Variants in RHBDD1 observed in about 807,000 individuals in gnomAD.
The protein encoded by RHBDD1 is rhomboid-related protein 4.
In RHBDD1, 38 loss-of-function variants were observed where a neutral mutation model predicts 36.3. The ratio of observed to expected loss-of-function variants is 1.05; its 90% CI spans 0.81 to 1.37. The LOEUF (loss-of-function observed/expected upper bound fraction) is 1.37, where lower values mean the gene tolerates loss of function less well. RHBDD1 is among the 40% of genes most tolerant of loss of function. RHBDD1 has a pLI of 0.00. For synonymous variants in RHBDD1, 151 were observed against 136.5 expected, an observed-to-expected ratio of 1.11 and a Z score of -0.74; for missense variants, 393 against 377.6, an observed-to-expected ratio of 1.04 and a Z score of -0.34.
intron 8 of RHBDD1, among the ~76,000 whole-genome samples, chr2:226,982,475 T>C (rs1039788874): frequency 2.6e-5 from 4 of 152,240 alleles, no homozygotes; most frequent in Non-Finnish European, 5.9e-5. Context: ...AGTTGAACTT[T>C]TAAAACATTT....
chr2:226,887,157 GT>G (rs1946293403), intron 5 of RHBDD1, among the ~76,000 whole-genome samples: 2 of 152,240 alleles, frequency 1.3e-5, no homozygotes, highest in South Asian at 4.1e-4. Context: ...TTCTAAGACT[GT>G]TTTAAAAGAG....
rs774245051 is a variant in RHBDD1 at position 226,906,882 on chromosome 2, G to T, written c.655+1G>T. 4.3e-6 allele frequency: 7 copies of T among 1,613,904 alleles called. No individual in the cohort carries two copies. The highest frequency in any genetic ancestry group is 5.9e-6 in the Non-Finnish European group (7 of 1,179,920). On this transcript the variant is annotated splice_donor_variant, in intron 6 of 8. Transcript: ENST00000392062. LOFTEE classifies it high-confidence loss of function. ...AAGAAAATCATGGAAGCATGTGCAG[G>T]TACAGAATAAAACACCTTTGGCATG...
Position 226,992,486 on chromosome 2 carries a change from C to T in RHBDD1, c.857-2945C>T, listed in dbSNP as rs532581046. 2.0e-5 allele frequency among the ~76,000 whole-genome samples: 3 copies of T among 152,274 alleles called. No individual in the cohort carries two copies. In the South Asian group the frequency reaches 6.2e-4, roughly 32 times the overall value. On this transcript the variant is annotated intron_variant, in intron 8 of 8. Coordinates refer to ENST00000392062, the MANE Select transcript of RHBDD1 (RefSeq NM_001167608.3). ...ATACCCTTAAGAGCTGGCATGATTA[C>T]AAATCGGGCATTATTGTGGTTTGGG...
At position 226,858,467 on chromosome 2, in the gene RHBDD1, G is replaced by A. The variant is rs11885817; in HGVS notation, c.-90-6137G>A. ...CTGTCTTTCTTGTGAAATTAATTTG[G>A]TTGGTAGCAGACACCAAATTGGGAA... On this transcript the variant is annotated intron_variant, in intron 3 of 8. Coordinates refer to ENST00000392062, the MANE Select transcript of RHBDD1 (RefSeq NM_001167608.3). Among the ~76,000 whole-genome samples, 14 of 152,168 alleles carry A rather than the reference G, an allele frequency of 9.2e-5. No individual in the cohort carries two copies. The East Asian group carries it at 1.4e-3, about 15-fold the overall frequency.
chr2:226,949,970 G>A lies in RHBDD1; in HGVS notation c.856+35619G>A, dbSNP rs183812261. 3.9e-5 allele frequency among the ~76,000 whole-genome samples: 6 copies of A among 152,134 alleles called. No homozygotes were observed. The East Asian group carries it at 5.8e-4, about 15-fold the overall frequency. On this transcript the variant is annotated intron_variant, in intron 8 of 8. Transcript: ENST00000392062. The stretch of plus-strand genomic sequence containing the variant: ...GATCAAAATTGTATCTGTTTTTCAC[G>A]TACTCCACAATGTTTTGAAATGCAT...
chr2:226,929,448 C>T (rs924171004), intron 8 of RHBDD1, among the ~76,000 whole-genome samples: 1 of 152,046 alleles, frequency 6.6e-6, no homozygotes, highest in African/African-American at 2.4e-5. Context: ...TAAAGTCCAG[C>T]ATCCATTTAT....
intron 8 of RHBDD1, among the ~76,000 whole-genome samples, chr2:226,971,173 A>G (rs553082643): frequency 6.6e-6 from 1 of 152,314 alleles, no homozygotes; most frequent in Admixed American, 6.5e-5. Flanking sequence ...CTGTCCCTAC[A>G]GTGGCTGAAG....
intron 8 of RHBDD1, among the ~76,000 whole-genome samples, chr2:226,917,856 G>A (rs1432608205): frequency 6.6e-6 from 1 of 151,662 alleles, no homozygotes; most frequent in Non-Finnish European, 1.5e-5. Flanking sequence ...TACGGTGAAT[G>A]AAATATAAAA....
At chr2:226,886,741 T>C (rs1178696038) in intron 5 of RHBDD1, among the ~76,000 whole-genome samples, 1 of 152,192 alleles carries the variant, frequency 6.6e-6, no homozygotes, top group African/African-American at 2.4e-5. Flanking sequence ...AGGGGAATTT[T>C]TTTAAAAAAA....
intron 5 of RHBDD1, among the ~76,000 whole-genome samples, chr2:226,889,383 G>A (rs1001158104): frequency 5.9e-5 from 9 of 152,134 alleles, no homozygotes; most frequent in African/African-American, 1.9e-4. Flanking sequence ...ACATTTTCAC[G>A]TTAGTTGCGA....
chr2:226,936,265 T>G (rs1950323835), intron 8 of RHBDD1, among the ~76,000 whole-genome samples: 1 of 152,146 alleles, frequency 6.6e-6, no homozygotes, highest in African/African-American at 2.4e-5. Flanking sequence ...AGATTGTGCT[T>G]ATATCTAGAT....
At chr2:226,867,938 C>T (rs949098436) in intron 5 of RHBDD1, among the ~76,000 whole-genome samples, 6 of 152,044 alleles carry the variant, frequency 3.9e-5, no homozygotes, top group Non-Finnish European at 5.9e-5. Context: ...AGGATGGTCT[C>T]GATCTCTTGA....
chr2:226,915,727 AAG>A (rs1470014003), intron 8 of RHBDD1, among the ~76,000 whole-genome samples: 1 of 152,338 alleles, frequency 6.6e-6, no homozygotes, highest in East Asian at 1.9e-4. Flanking sequence ...TAACCTGAAC[AAG>A]AAAGGAAAGC....
intron 3 of RHBDD1, among the ~76,000 whole-genome samples, chr2:226,863,257 T>G (rs1045778426): frequency 2.6e-5 from 4 of 152,194 alleles, no homozygotes; most frequent in African/African-American, 7.2e-5. Flanking sequence ...AAGAATCATT[T>G]GCACCCAGGA....
At chr2:226,971,641 ATG>A (rs1953524922) in intron 8 of RHBDD1, among the ~76,000 whole-genome samples, 1 of 152,250 alleles carries the variant, frequency 6.6e-6, no homozygotes, top group Non-Finnish European at 1.5e-5. Flanking sequence ...TATGGGATAA[ATG>A]TGGCTACTAA....
intron 5 of RHBDD1, among the ~76,000 whole-genome samples, chr2:226,900,279 G>A (rs1339456352): frequency 6.6e-6 from 1 of 152,162 alleles, no homozygotes; most frequent in Non-Finnish European, 1.5e-5. Context: ...TTGCTCTCAA[G>A]TTGAGATACA....
intron 8 of RHBDD1, among the ~76,000 whole-genome samples, chr2:226,966,568 T>C (rs1483899835): frequency 2.6e-5 from 4 of 152,264 alleles, no homozygotes; most frequent in Non-Finnish European, 5.9e-5. Context: ...TTTTCAGCTA[T>C]GCATAATTTT....
intron 8 of RHBDD1, among the ~76,000 whole-genome samples, chr2:226,919,514 G>C (rs1429946378): frequency 1.3e-5 from 2 of 152,018 alleles, no homozygotes; most frequent in Non-Finnish European, 2.9e-5. Context: ...TGAGAGATAG[G>C]GGTCTAGTTT....
intron 8 of RHBDD1, among the ~76,000 whole-genome samples, chr2:226,987,104 G>A (rs974962258): frequency 1.3e-5 from 2 of 152,112 alleles, no homozygotes; most frequent in African/African-American, 2.4e-5. Flanking sequence ...GCATGTTCTC[G>A]CTCATAAGTG....
Sources: gnomAD v4.1 joint callset for allele counts (sites outside exome capture counted in the v4.1 genomes callset) on GRCh38, gnomAD v4.1.1 for gene constraint, MANE v1.5 for transcripts, NCBI Gene and HGNC (gene_info 2026-07-23, HGNC 2026-07-21) for gene names.